Variants in HVCN1 observed in about 807,000 individuals in gnomAD.
The protein encoded by HVCN1 is hydrogen voltage gated channel 1, also known as voltage-gated hydrogen channel 1.
A neutral mutation model predicts 29.2 loss-of-function variants in HVCN1; 14 were observed. That is an observed-to-expected ratio of 0.48 (90% CI 0.32 to 0.75). The LOEUF (loss-of-function observed/expected upper bound fraction) is 0.75, where lower values mean the gene tolerates loss of function less well. Ranked by LOEUF, HVCN1 falls within the 30% of genes least tolerant of loss-of-function variation. The pLI is 0.04. For synonymous variants in HVCN1, 131 were observed against 133.2 expected (o/e 0.98, Z 0.11); for missense variants, 263 against 341.8 (o/e 0.77, Z 1.82).
chr12:110,663,319 T>C (rs1343687961), intron 3 of HVCN1, among the ~76,000 whole-genome samples: 1 of 152,030 alleles, frequency 6.6e-6, no homozygotes, highest in Non-Finnish European at 1.5e-5. Context: ...ATTCACCTAG[T>C]TGGGCAGGTG....
intron 3 of HVCN1, among the ~76,000 whole-genome samples, chr12:110,678,439 C>CTTTTTTTTTT (rs538999674): frequency 1.5e-3 from 97 of 65,834 alleles, no homozygotes; most frequent in East Asian, 2.5e-3. Flanking sequence ...CATTCTATTT[C>CTTTTTTTTTT]TTTTTTTTTT....
intron 4 of HVCN1, among the ~76,000 whole-genome samples, chr12:110,657,881 C>T (rs1028905201): frequency 6.6e-6 from 1 of 152,200 alleles, no homozygotes. Flanking sequence ...TGCCGTGGGG[C>T]GGCCAGTCCT....
At chr12:110,692,060 A>G (rs79248018), upstream of HVCN1, among the ~76,000 whole-genome samples, 2,167 of 152,348 alleles carry the variant, frequency 0.014, 26 homozygotes, top group Non-Finnish European at 0.022. Context: ...CAAATGTGTT[A>G]CACTGTTATC....
In HVCN1 at chr12:110,659,838, C is replaced by T. The variant is rs745596965; in HGVS notation, c.306+1326G>A. ...ATCCCAGCACTTTGGGAGGCTGACA[C>T]GGGTGGATCACTTGAGGTCAGGAGT... On this transcript the variant is annotated intron_variant, in intron 4 of 7. Transcript: ENST00000242607. Among the ~76,000 whole-genome samples, 16 of 151,458 alleles carry T rather than the reference C, an allele frequency of 1.1e-4. 1 individual carries two copies. The highest frequency in any genetic ancestry group is 8.4e-4 in the South Asian group (4 of 4,780).
intron 3 of HVCN1, among the ~76,000 whole-genome samples, chr12:110,679,493 C>T (rs955370912): frequency 2.0e-5 from 3 of 152,214 alleles, no homozygotes; most frequent in African/African-American, 4.8e-5. Flanking sequence ...AAGTGTTTTC[C>T]GCACGCAATC....
chr12:110,656,671 A>C (rs1369509846), intron 4 of HVCN1, among the ~76,000 whole-genome samples: 2 of 152,204 alleles, frequency 1.3e-5, no homozygotes, highest in African/African-American at 2.4e-5. Flanking sequence ...CAATTTCTGC[A>C]GTTTCAGGTT....
At chr12:110,679,770 G>A (rs1178422420) in intron 3 of HVCN1, among the ~76,000 whole-genome samples, 2 of 151,950 alleles carry the variant, frequency 1.3e-5, no homozygotes, top group Non-Finnish European at 1.5e-5. Context: ...GGAGAATGGC[G>A]TGAACCCGGG....
chr12:110,694,989 T>C lies in HVCN1; in HGVS notation c.-103-6281A>G, dbSNP rs367722714. 6.6e-6 allele frequency among the ~76,000 whole-genome samples: 1 copy of C among 152,236 alleles called. No individual in the cohort carries two copies. The highest frequency in any genetic ancestry group is 6.5e-5 in the Admixed American group (1 of 15,282). ...ATCAATTCAGCAAAGAGTTTCTGAGTGCCAACTATGTGCTAGGCAGAGAAC... is the reference window on the plus strand; with the variant it reads ...ATCAATTCAGCAAAGAGTTTCTGAGCGCCAACTATGTGCTAGGCAGAGAAC... On this transcript the variant is annotated intron_variant, in intron 2 of 4. Coordinates refer to the HVCN1 transcript ENST00000546713. The surrounding 1 kb of genome is among the most constrained non-coding windows in gnomAD (Gnocchi z 4.6).
chr12:110,677,865 G>T (rs190107046), intron 3 of HVCN1, among the ~76,000 whole-genome samples: 4 of 152,240 alleles, frequency 2.6e-5, no homozygotes, highest in African/African-American at 9.6e-5. Flanking sequence ...CTAAAGCCAT[G>T]CTCCCCAACT....
chr12:110,661,238 G>C lies in HVCN1; in HGVS notation c.232C>G (p.Pro78Ala). Residue 78 changes from proline to alanine, a missense_variant, in exon 4 of 8, where the codon CCT becomes GCT. By Grantham distance (27) the Pro-to-Ala change is conservative. Around this residue, in one of 3 missense-constraint regions of HVCN1, gnomAD observed 157 missense variants for 181.3 expected, o/e 0.87. Transcript: ENST00000242607. This position sits in a 1 kb window ranked among gnomAD's most constrained non-coding sequence, Gnocchi z 6.2. ...AGGGGGGCCCTGGGTGCGGGGCCAG[G>C]GGCAGGGGCAACGTCAGGGGCTGCA... ...RAAAPDVAPA[P>A]GPAPRAPLDF... 6.2e-7 allele frequency: 1 copy of C among 1,614,008 alleles called. No individual in the cohort carries two copies.
At chr12:110,649,804 C>A (rs1445839748) in intron 7 of HVCN1, among the ~76,000 whole-genome samples, 1 of 151,942 alleles carries the variant, frequency 6.6e-6, no homozygotes, top group Non-Finnish European at 1.5e-5. Flanking sequence ...GCATGAGCAG[C>A]GCTCTGCTGC....
At chr12:110,698,869 T>A (rs559063001) in intron 2 of HVCN1, among the ~76,000 whole-genome samples, 12 of 152,346 alleles carry the variant, frequency 7.9e-5, no homozygotes, top group Non-Finnish European at 1.3e-4. Flanking sequence ...GGCTCACGCC[T>A]GTAATCCCAA....
intron 3 of HVCN1, among the ~76,000 whole-genome samples, chr12:110,673,474 C>T (rs963410776): frequency 1.6e-4 from 25 of 152,122 alleles, no homozygotes; most frequent in African/African-American, 5.3e-4. Context: ...AAATTCAAGC[C>T]AGCTACAGAA....
At chr12:110,687,261 C>CCG (rs2069221577) in intron 2 of HVCN1, among the ~76,000 whole-genome samples, 1 of 149,168 alleles carries the variant, frequency 6.7e-6, no homozygotes, top group African/African-American at 2.5e-5. Context: ...GACCACACCC[C>CCG]CCCCCCCCAG....
In HVCN1 at chr12:110,655,308, C is replaced by G; in HGVS notation, c.337G>C (p.Ala113Pro). Residue 113 changes from alanine (A) to proline (P), a missense_variant, in exon 5 of 8, where the codon GCC becomes CCC. This residue lies in a region of HVCN1 where 157 missense variants were observed against 181.3 expected (regional missense o/e 0.87). Coordinates refer to ENST00000242607, the MANE Select transcript of HVCN1 (RefSeq NM_032369.4). Reference sequence around the variant, plus strand: ...ATGAGCTCAGCAAGCACCAGGAGGGCATCCAGAACCACCAAGCAGATGATG... The same window carrying G: ...ATGAGCTCAGCAAGCACCAGGAGGGGATCCAGAACCACCAAGCAGATGATG... ...VIIICLVVLD[A>P]LLVLAELILD... 7 of 1,613,848 alleles carry G rather than the reference C, an allele frequency of 4.3e-6. No homozygotes were observed. The highest frequency in any genetic ancestry group is 5.9e-6 in the Non-Finnish European group (7 of 1,179,934).
chr12:110,682,635 C>T (rs976532974), intron 3 of HVCN1: 16 of 156,018 alleles, frequency 1.0e-4, no homozygotes, highest in African/African-American at 3.9e-4. Context: ...CCCGACAATC[C>T]TGCAAGGGCA....
intron 2 of HVCN1, among the ~76,000 whole-genome samples, chr12:110,696,295 A>G (rs1012966174): frequency 2.6e-5 from 4 of 152,154 alleles, no homozygotes; most frequent in Non-Finnish European, 5.9e-5. Context: ...TAAAATACAC[A>G]TAACATAAAC....
intron 3 of HVCN1, among the ~76,000 whole-genome samples, chr12:110,682,416 C>T (rs2069014459): frequency 6.6e-6 from 1 of 152,162 alleles, no homozygotes; most frequent in African/African-American, 2.4e-5. Flanking sequence ...CCAGGCTCAT[C>T]TTGAACTCCT....
chr12:110,683,866 G>A (rs1163670867), intron 2 of HVCN1, among the ~76,000 whole-genome samples: 13 of 146,532 alleles, frequency 8.9e-5, no homozygotes, highest in African/African-American at 2.0e-4. Flanking sequence ...AGCCGAGATC[G>A]TGCCACTGCA....
Sources: allele counts gnomAD v4.1 joint callset (sites outside exome capture counted in the v4.1 genomes callset), GRCh38; gene constraint gnomAD v4.1.1; regional missense constraint gnomAD v4.1.1; non-coding constraint Gnocchi (gnomAD v3.1); transcripts MANE v1.5; gene names NCBI Gene and HGNC (gene_info 2026-07-23, HGNC 2026-07-21).